Variants in EIF3E observed in about 807,000 individuals in gnomAD.
The protein encoded by EIF3E is eIF-3 p48.
A neutral mutation model predicts 59.3 loss-of-function variants in EIF3E; 25 were observed. The ratio of observed to expected loss-of-function variants is 0.42; its 90% CI spans 0.31 to 0.59. The LOEUF is 0.59. Ranked by LOEUF, EIF3E falls within the 20% of genes least tolerant of loss-of-function variation. The pLI, the probability that EIF3E is intolerant of heterozygous loss-of-function variation, is 0.15. For synonymous variants in EIF3E, 176 were observed against 170.2 expected, an observed-to-expected ratio of 1.03 and a Z score of -0.26; for missense variants, 317 against 534.3, an observed-to-expected ratio of 0.59 and a Z score of 4.01.
At chr8:108,202,013 CA>C (rs939303113) in intron 12 of EIF3E, 90 bp from the exon 13 acceptor site, 1 of 1,238,462 alleles carries the variant, frequency 8.1e-7, no homozygotes, top group African/African-American at 1.5e-5. Flanking sequence ...GCATTTACTT[CA>C]GCACTATAGT....
chr8:108,242,107 C>T, intron 1 of EIF3E, 194 bp from the exon 2 acceptor site: 1 of 1,455,296 alleles, frequency 6.9e-7, no homozygotes. Context: ...AAGTATTTTA[C>T]TTACCTAAAA....
intron 3 of EIF3E, among the ~76,000 whole-genome samples, chr8:108,236,960 T>C (rs1815743998): frequency 6.6e-6 from 1 of 151,830 alleles, no homozygotes; most frequent in Non-Finnish European, 1.5e-5. Context: ...AGGTGGAGGT[T>C]GCAGTGAACA....
chr8:108,230,201 C>T (rs1378144839), intron 5 of EIF3E, among the ~76,000 whole-genome samples: 2 of 152,116 alleles, frequency 1.3e-5, no homozygotes, highest in Admixed American at 6.6e-5. Flanking sequence ...ATCATAATTA[C>T]AAGTTAAATT....
chr8:108,248,156 T>TA (rs1815984370), intron 1 of EIF3E, among the ~76,000 whole-genome samples: 1 of 152,164 alleles, frequency 6.6e-6, no homozygotes. Context: ...ATACTTATTT[T>TA]AAGTGTAAGA....
chr8:108,204,731 G>GTATATATATATATATATATA (rs148053969), intron 10 of EIF3E, among the ~76,000 whole-genome samples: 22 of 86,710 alleles, frequency 2.5e-4, no homozygotes, highest in African/African-American at 3.8e-4. Context: ...TAGTATGTAT[G>GTATATATATATATATATATA]TATATATATA....
At chr8:108,245,223 T>C (rs998744211) in intron 1 of EIF3E, among the ~76,000 whole-genome samples, 1 of 152,026 alleles carries the variant, frequency 6.6e-6, no homozygotes, top group African/African-American at 2.4e-5. Flanking sequence ...TCCCAGCACT[T>C]TGCGAGGCCA....
At chr8:108,234,909 C>A (rs1586207080) in intron 5 of EIF3E, 89 bp downstream of exon 5, 7 of 737,280 alleles carry the variant, frequency 9.5e-6, no homozygotes. Flanking sequence ...TGAACAGACC[C>A]AAATCTATCT....
rs1474926495 is a variant in EIF3E, at chr8:108,203,021, T to C, written c.1261A>G (p.Asn421Asp). The C allele has an allele frequency of 1.2e-6, 2 of 1,612,662 alleles. No individual in the cohort carries two copies. The highest frequency in any genetic ancestry group is 2.7e-5 in the African/African-American group (2 of 74,848). ...TTCTGATTAAGTTTCTTCTCAATAT[T>C]CATGGCCAACATCTGGCTTCTAAAG... ...LSFRSQMLAM[N>D]IEKKLNQNSR... Residue 421 changes from asparagine to aspartate, a missense_variant, in exon 12 of 13, where the codon AAT (asparagine) becomes GAT (aspartate). Transcript: ENST00000220849.
intron 3 of EIF3E, among the ~76,000 whole-genome samples, chr8:108,238,810 C>T (rs868602481): frequency 2.6e-4 from 39 of 152,262 alleles, no homozygotes; most frequent in African/African-American, 8.9e-4. Flanking sequence ...AGGTATAGCA[C>T]GGCAAAATAT....
At chr8:108,209,699 C>T (rs1815171758) in intron 10 of EIF3E, among the ~76,000 whole-genome samples, 1 of 152,142 alleles carries the variant, frequency 6.6e-6, no homozygotes, top group East Asian at 1.9e-4. Flanking sequence ...AATCATGATA[C>T]ATAGCATATT....
Position 108,239,952 on chromosome 8 carries a change from GT to G in EIF3E, c.323+5del, listed in dbSNP as rs1563637464. 1 of 1,605,806 alleles carries G rather than the reference GT, an allele frequency of 6.2e-7. No individual in the cohort carries two copies. Among genetic ancestry groups the G allele is most frequent in the South Asian group, 1.1e-5 (1 of 90,846 alleles). On this transcript the variant is annotated splice_donor_5th_base_variant and intron_variant, in intron 3 of 12. Coordinates refer to ENST00000220849, the MANE Select transcript of EIF3E (RefSeq NM_001568.3). ...TTTTTAGAATTCAAAATTAAGACGA[GT>G]TTACCTGGTTGACTGCATTTGCCTT...
chr8:108,225,046 A>T (rs1586201170), intron 7 of EIF3E, among the ~76,000 whole-genome samples: 1 of 151,580 alleles, frequency 6.6e-6, no homozygotes, highest in East Asian at 1.9e-4. Context: ...CTGTATACAC[A>T]CTTCACTGTC....
chr8:108,239,076 AAGGGTATG>A (rs968514906), intron 3 of EIF3E, among the ~76,000 whole-genome samples: 12 of 152,174 alleles, frequency 7.9e-5, no homozygotes, highest in Admixed American at 7.9e-4. Flanking sequence ...TGGAGCTTGG[AAGGGTATG>A]AAAGAATGTA....
chr8:108,235,491 G>C (rs962049543), intron 4 of EIF3E, among the ~76,000 whole-genome samples: 1 of 152,194 alleles, frequency 6.6e-6, no homozygotes, highest in Non-Finnish European at 1.5e-5. Context: ...CCACTGATCT[G>C]ACAGGAGGCA....
In EIF3E at chr8:108,241,829, T is replaced by G; in HGVS notation, c.175A>C (p.Lys59Gln). Residue 59 changes from lysine (K) to glutamine (Q), a missense_variant, in exon 2 of 13, where the codon AAA becomes CAA. By Grantham distance (53) the Lys-to-Gln change is moderately conservative. Coordinates refer to ENST00000220849, the MANE Select transcript of EIF3E (RefSeq NM_001568.3). ...GGAATATCATCAGAATAAAGGTTTTTGTATACATCCATAGCAAAGTCTACC... is the reference window on the plus strand; with the variant it reads ...GGAATATCATCAGAATAAAGGTTTTGGTATACATCCATAGCAAAGTCTACC... Reference protein sequence around the residue: ...NMVDFAMDVYKNLYSDDIPHA... With the variant: ...NMVDFAMDVYQNLYSDDIPHA... 6.3e-7 allele frequency: 1 copy of G among 1,593,862 alleles called. No individual in the cohort carries two copies. Among genetic ancestry groups the G allele is most frequent in the Non-Finnish European group, 8.5e-7 (1 of 1,174,478 alleles).
At position 108,201,790 on chromosome 8, in the gene EIF3E, T is replaced by A. The variant is rs960559417; in HGVS notation, c.*95A>T. 1 of 1,027,314 alleles carries A rather than the reference T, an allele frequency of 9.7e-7. No homozygotes were observed. The highest frequency in any genetic ancestry group is 3.1e-5 in the East Asian group (1 of 32,476). The allele number at this position is 1,027,314 out of a possible 1,614,324, so 63.6% of individuals were successfully genotyped here. On this transcript the variant is annotated 3_prime_UTR_variant, in exon 13 of 13. Transcript: ENST00000220849. ...AATTCTTCAAAATTTATACGTAATATGTTGTTTCCAAAATGTAAGTCACCC... is the reference window on the plus strand; with the variant it reads ...AATTCTTCAAAATTTATACGTAATAAGTTGTTTCCAAAATGTAAGTCACCC...
chr8:108,232,606 C>G (rs1446815979), intron 5 of EIF3E, among the ~76,000 whole-genome samples: 1 of 152,090 alleles, frequency 6.6e-6, no homozygotes, highest in Non-Finnish European at 1.5e-5. Flanking sequence ...TAAAACCATA[C>G]TACATAAATA....
chr8:108,214,652 A>C lies in EIF3E; in HGVS notation c.1016T>G (p.Phe339Cys), dbSNP rs766599151. ...GATGCGACAGAAAGTCTCAAATATG[A>C]AGAGACGGGCATTTTCAATGAAATC... ...LEDFIENARL[F>C]IFETFCRIHQ... The change falls in exon 10 of 13, where the codon TTC becomes TGC. Residue 339 changes from phenylalanine (F) to cysteine (C), a missense_variant. Phe to Cys is a radical substitution (Grantham distance 205). Transcript: ENST00000220849. 1.2e-6 allele frequency: 2 copies of C among 1,612,126 alleles called. No individual in the cohort carries two copies. The highest frequency in any genetic ancestry group is 1.7e-6 in the Non-Finnish European group (2 of 1,179,544).
chr8:108,220,026 C>T (rs1296334972), intron 7 of EIF3E, among the ~76,000 whole-genome samples: 4 of 151,916 alleles, frequency 2.6e-5, no homozygotes, highest in Non-Finnish European at 5.9e-5. Context: ...ACCTGTAATC[C>T]CTGCTACTCA....
Sources: gnomAD v4.1 joint callset for allele counts (sites outside exome capture counted in the v4.1 genomes callset) on GRCh38, gnomAD v4.1.1 for gene constraint, MANE v1.5 for transcripts, NCBI Gene and HGNC (gene_info 2026-07-23, HGNC 2026-07-21) for gene names.